Variants in TMEM117 observed in about 807,000 individuals in gnomAD.
The protein encoded by TMEM117 is transmembrane protein 117.
TMEM117 carries 27 observed loss-of-function variants against 52.4 expected under a neutral mutation model. That is an observed-to-expected ratio of 0.51 (90% CI 0.38 to 0.71). The LOEUF is 0.71. Ranked by LOEUF, TMEM117 falls within the 30% of genes least tolerant of loss-of-function variation. TMEM117 has a pLI of 0.00. For synonymous variants in TMEM117, 215 were observed against 206.3 expected (o/e 1.04, Z -0.36); for missense variants, 556 against 630.5 (o/e 0.88, Z 1.26).
chr12:44,398,090 TTTTG>T, the TMEM117 span, among the ~76,000 whole-genome samples: 1 of 151,188 alleles, frequency 6.6e-6, no homozygotes, highest in East Asian at 1.9e-4. Context: ...TGTTTTTTTT[TTTTG>T]TTTGTTTTGT....
At chr12:43,932,721 G>A (rs1206719993) in intron 2 of TMEM117, among the ~76,000 whole-genome samples, 1 of 152,086 alleles carries the variant, frequency 6.6e-6, no homozygotes, top group Non-Finnish European at 1.5e-5. Context: ...ATTAACACCT[G>A]TCTATGATAC....
intron 4 of TMEM117, among the ~76,000 whole-genome samples, chr12:44,152,098 T>C (rs1218060692): frequency 8.9e-6 from 1 of 112,618 alleles, no homozygotes; most frequent in Non-Finnish European, 1.6e-5. Flanking sequence ...TAAACATAAA[T>C]ATATAATATA....
intron 5 of TMEM117, among the ~76,000 whole-genome samples, chr12:44,290,507 G>T: frequency 6.6e-6 from 1 of 152,124 alleles, no homozygotes; most frequent in Non-Finnish European, 1.5e-5. Flanking sequence ...GACTGTCTAT[G>T]TATGGGTTTA....
intron 4 of TMEM117, among the ~76,000 whole-genome samples, chr12:44,162,047 TTTGAAACTAC>T (rs1181339589): frequency 6.6e-6 from 1 of 152,136 alleles, no homozygotes; most frequent in Non-Finnish European, 1.5e-5. Flanking sequence ...ATGCCTGTTA[TTTGAAACTAC>T]TAAAGTGAGT....
intron 6 of TMEM117, among the ~76,000 whole-genome samples, chr12:44,353,521 C>T (rs1463899242): frequency 2.2e-4 from 34 of 151,482 alleles, no homozygotes; most frequent in Non-Finnish European, 2.5e-4. Context: ...ATATGGCTAG[C>T]CAGTTTTCCC....
chr12:43,884,456 G>T (rs1056193698), intron 2 of TMEM117, among the ~76,000 whole-genome samples: 1 of 152,096 alleles, frequency 6.6e-6, no homozygotes, highest in Non-Finnish European at 1.5e-5. Context: ...CTTCTGTTCA[G>T]TTCTCTCTAG....
At chr12:44,248,976 GT>G (rs1950164507) in intron 5 of TMEM117, 1 of 152,184 alleles carries the variant, frequency 6.6e-6, no homozygotes, top group Non-Finnish European at 1.5e-5. Context: ...TTTTGTGTGT[GT>G]GGGTTTATTC....
chr12:44,297,037 C>A (rs1950777893), intron 5 of TMEM117, among the ~76,000 whole-genome samples: 2 of 152,112 alleles, frequency 1.3e-5, no homozygotes, highest in South Asian at 4.1e-4. Context: ...CACTTTTTTC[C>A]ATAGATAGCT....
At chr12:44,251,237 ATAATT>A (rs1950194040) in intron 5 of TMEM117, among the ~76,000 whole-genome samples, 1 of 152,200 alleles carries the variant, frequency 6.6e-6, no homozygotes, top group Non-Finnish European at 1.5e-5. Context: ...AAGTATCATC[ATAATT>A]TAATGGGATA....
At chr12:44,098,447 C>T (rs908790984) in intron 3 of TMEM117, among the ~76,000 whole-genome samples, 1 of 152,020 alleles carries the variant, frequency 6.6e-6, no homozygotes, top group Admixed American at 6.6e-5. Context: ...TGCTAACTCT[C>T]TAAGTTTCTG....
intron 5 of TMEM117, among the ~76,000 whole-genome samples, chr12:44,231,523 A>G (rs1193658273): frequency 6.6e-6 from 1 of 151,808 alleles, no homozygotes; most frequent in Non-Finnish European, 1.5e-5. Context: ...GGAGAGATAC[A>G]TATTTTCACC....
At chr12:44,070,495 A>G (rs998737707) in intron 3 of TMEM117, among the ~76,000 whole-genome samples, 6 of 152,216 alleles carry the variant, frequency 3.9e-5, no homozygotes, top group African/African-American at 1.4e-4. Context: ...GTCAACCTGC[A>G]GTGTCTGACA....
chr12:44,240,606 A>C (rs978417801), intron 5 of TMEM117, among the ~76,000 whole-genome samples: 2 of 151,922 alleles, frequency 1.3e-5, no homozygotes, highest in African/African-American at 4.8e-5. Flanking sequence ...TTGTGTGTGT[A>C]TGTATTTATA....
At chr12:44,199,309 G>A (rs1487917130) in intron 4 of TMEM117, among the ~76,000 whole-genome samples, 1 of 152,100 alleles carries the variant, frequency 6.6e-6, no homozygotes, top group Non-Finnish European at 1.5e-5. Flanking sequence ...TTTCCATCCT[G>A]TCACTGAATG....
chr12:44,231,095 A>T (rs1050217127), intron 5 of TMEM117, among the ~76,000 whole-genome samples: 24 of 152,098 alleles, frequency 1.6e-4, no homozygotes, highest in African/African-American at 5.8e-4. Context: ...CTTTTATATT[A>T]CATTCTTCTT....
At chr12:44,181,273 G>A (rs1216239839) in intron 4 of TMEM117, among the ~76,000 whole-genome samples, 8 of 151,450 alleles carry the variant, frequency 5.3e-5, no homozygotes, top group African/African-American at 1.9e-4. Flanking sequence ...AGATGAGTAG[G>A]TTGCGAAAAT....
intron 4 of TMEM117, among the ~76,000 whole-genome samples, chr12:44,202,040 AGAT>A (rs1176771540): frequency 2.0e-5 from 3 of 152,024 alleles, no homozygotes; most frequent in Non-Finnish European, 4.4e-5. Flanking sequence ...TATATATCAA[AGAT>A]GATAAATAAA....
intron 5 of TMEM117, among the ~76,000 whole-genome samples, chr12:44,257,652 T>C (rs1950275110): frequency 6.6e-6 from 1 of 152,138 alleles, no homozygotes. Context: ...ACCTTTGGCA[T>C]CCTAAAGCCA....
chr12:43,890,587 A>G (rs1194002126), intron 2 of TMEM117, among the ~76,000 whole-genome samples: 1 of 151,822 alleles, frequency 6.6e-6, no homozygotes, highest in Non-Finnish European at 1.5e-5. Flanking sequence ...GCTGGAGTGT[A>G]GTGGTGCAAT....
Sources: gnomAD v4.1 joint callset for allele counts (sites outside exome capture counted in the v4.1 genomes callset) on GRCh38, gnomAD v4.1.1 for gene constraint, MANE v1.5 for transcripts, NCBI Gene and HGNC (gene_info 2026-07-23, HGNC 2026-07-21) for gene names.